The following HSPA12A variants were observed in gnomAD, a reference collection of about 807,000 sequenced individuals.
HSPA12A encodes heat shock protein family A (Hsp70) member 12A, also known as heat shock 70 kDa protein 12A.
A neutral mutation model predicts 69.2 loss-of-function variants in HSPA12A; 28 were observed. The observed-to-expected ratio is 0.40, with a 90% CI of 0.30 to 0.55. HSPA12A has a LOEUF of 0.55. HSPA12A is among the 20% of genes least tolerant of loss of function. HSPA12A has a pLI of 0.38. For missense variants in HSPA12A, 686 were observed against 900.7 expected (o/e 0.76, Z 3.05); for synonymous variants, 345 against 370.5 (o/e 0.93, Z 0.79).
intron 2 of HSPA12A, among the ~76,000 whole-genome samples, chr10:116,769,746 G>T (rs1055031089): frequency 6.6e-6 from 1 of 152,228 alleles, no homozygotes; most frequent in Non-Finnish European, 1.5e-5. Context: ...TCCTGGAGAT[G>T]CACGAAGCAG....
At chr10:116,677,833 G>A (rs1849283245) in intron 10 of HSPA12A, among the ~76,000 whole-genome samples, 1 of 152,132 alleles carries the variant, frequency 6.6e-6, no homozygotes, top group Non-Finnish European at 1.5e-5. Flanking sequence ...GGCCGAGATG[G>A]GACAGTGTGG....
At chr10:116,776,206 A>G (rs2133126915) in intron 2 of HSPA12A, among the ~76,000 whole-genome samples, 1 of 152,346 alleles carries the variant, frequency 6.6e-6, no homozygotes, top group Admixed American at 6.5e-5. Context: ...TGTGGGACAC[A>G]GGCAGGTGTC....
rs782004882 is a variant in HSPA12A, at chr10:116,674,847, T to A, written c.1962A>T (p.Lys654Asn). The change falls in exon 12 of 12, where the codon AAA becomes AAT. Residue 654 changes from lysine to asparagine, a missense_variant. Physicochemically the swap from Lys to Asn is moderately conservative, Grantham distance 94 (BLOSUM62 0). Coordinates refer to ENST00000369209, the MANE Select transcript of HSPA12A (RefSeq NM_025015.3). ...AAGTGGCTATATCAATGGCTGTGGC[T>A]TTGATCTCGGTGTCCCCGAACTGCA... ...TLMQFGDTEIKATAIDIATSK... is the reference protein window; with the variant it reads ...TLMQFGDTEINATAIDIATSK... 3.1e-6 allele frequency: 5 copies of A among 1,613,578 alleles called. No homozygotes were observed. The highest frequency in any genetic ancestry group is 4.2e-6 in the Non-Finnish European group (5 of 1,180,022).
intron 2 of HSPA12A, chr10:116,751,038 GAGA>G (rs1851766953): frequency 6.5e-6 from 1 of 154,226 alleles, no homozygotes; most frequent in Admixed American, 6.6e-5. Flanking sequence ...GAAGAAGGAG[GAGA>G]AGAAAAATGA....
chr10:116,797,687 A>G (rs1844859868), intron 2 of HSPA12A, among the ~76,000 whole-genome samples: 1 of 152,230 alleles, frequency 6.6e-6, no homozygotes, highest in Admixed American at 6.5e-5. Flanking sequence ...TTTCCAGGGA[A>G]AAGCCCTCAA....
chr10:116,731,065 G>A (rs1223152088), intron 1 of HSPA12A, among the ~76,000 whole-genome samples: 3 of 152,232 alleles, frequency 2.0e-5, no homozygotes, highest in Admixed American at 6.5e-5. Flanking sequence ...GGGCCCTTGT[G>A]GACTCAGTCA....
At chr10:116,736,459 C>T (rs1293174997) in intron 1 of HSPA12A, among the ~76,000 whole-genome samples, 3 of 152,132 alleles carry the variant, frequency 2.0e-5, no homozygotes, top group African/African-American at 4.8e-5. Context: ...CCCCTGGTAC[C>T]GATGACTATG....
chr10:116,742,193 G>A (rs1462460289), intron 1 of HSPA12A, among the ~76,000 whole-genome samples: 3 of 152,058 alleles, frequency 2.0e-5, no homozygotes, highest in South Asian at 2.1e-4. Context: ...TCCCCGCCGC[G>A]GAGTCCGCAC....
intron 2 of HSPA12A, among the ~76,000 whole-genome samples, chr10:116,755,816 A>T (rs2133093908): frequency 6.6e-6 from 1 of 151,352 alleles, no homozygotes; most frequent in Admixed American, 6.6e-5. Flanking sequence ...AAAAAAAAAA[A>T]AAAAAATACA....
intron 1 of HSPA12A, among the ~76,000 whole-genome samples, chr10:116,735,729 G>A (rs1851295287): frequency 6.6e-6 from 1 of 152,058 alleles, no homozygotes; most frequent in Non-Finnish European, 1.5e-5. Flanking sequence ...AGGCACGGTG[G>A]CTCATGCCTG....
At chr10:116,763,286 G>A (rs1844010761) in intron 2 of HSPA12A, among the ~76,000 whole-genome samples, 1 of 152,116 alleles carries the variant, frequency 6.6e-6, no homozygotes, top group Non-Finnish European at 1.5e-5. Flanking sequence ...GTACATATGG[G>A]CTAGGAGAAG....
intron 1 of HSPA12A, among the ~76,000 whole-genome samples, chr10:116,727,108 G>T (rs782126145): frequency 2.1e-4 from 32 of 152,128 alleles, no homozygotes; most frequent in Non-Finnish European, 3.7e-4. Flanking sequence ...ATTCATAAAA[G>T]AAAGAAAAAT....
chr10:116,698,861 G>A, intron 4 of HSPA12A, 122 bp from the exon 5 acceptor site: 1 of 723,120 alleles, frequency 1.4e-6, no homozygotes, highest in African/African-American at 1.7e-5. Context: ...GTTCCCCCAT[G>A]CTTAAAGAGG....
chr10:116,725,980 T>G (rs562150715), intron 1 of HSPA12A, among the ~76,000 whole-genome samples: 15 of 151,748 alleles, frequency 9.9e-5, no homozygotes, highest in Admixed American at 2.6e-4. Context: ...TCAAGTTTTC[T>G]ATCTGAATAT....
At chr10:116,681,721 A>T in intron 8 of HSPA12A, 70 bp downstream of exon 8, 1 of 1,410,158 alleles carries the variant, frequency 7.1e-7, no homozygotes, top group South Asian at 1.2e-5. Context: ...CAAAAGGGAC[A>T]AATGGGAATG....
rs78014479 is a variant in HSPA12A at position 116,768,341 on chromosome 10, G to A, written c.92-61056C>T. 6.6e-3 allele frequency among the ~76,000 whole-genome samples: 1,002 copies of A among 152,320 alleles called. 13 individuals are homozygous for A. Among genetic ancestry groups the A allele is most frequent in the African/African-American group, 0.023 (948 of 41,576 alleles). ...GAAAGCAGATTAGTGCTTGCCAGGG[G>A]CTGTGGGGAGGGGGAATAGGAGCAA... On this transcript the variant is annotated intron_variant, in intron 2 of 12. Coordinates refer to the HSPA12A transcript ENST00000635765.
chr10:116,748,629 A>G (rs1156536443), intron 2 of HSPA12A, among the ~76,000 whole-genome samples: 1 of 152,162 alleles, frequency 6.6e-6, no homozygotes, highest in Non-Finnish European at 1.5e-5. Flanking sequence ...ATGGCTGGGG[A>G]GGCTTCACAA....
chr10:116,790,205 G>A (rs1302957723), intron 2 of HSPA12A, among the ~76,000 whole-genome samples: 8 of 141,788 alleles, frequency 5.6e-5, no homozygotes, highest in Admixed American at 3.1e-4. Flanking sequence ...GGGGGTTCAC[G>A]CCATTCTCCT....
upstream of HSPA12A, among the ~76,000 whole-genome samples, chr10:116,743,020 A>G (rs535533932): frequency 3.3e-5 from 5 of 152,088 alleles, no homozygotes; most frequent in Admixed American, 1.3e-4. Flanking sequence ...GTCCCAGGGG[A>G]GCGGCCCTGG....
Sources: allele counts gnomAD v4.1 joint callset (sites outside exome capture counted in the v4.1 genomes callset), GRCh38; gene constraint gnomAD v4.1.1; transcripts MANE v1.5; gene names NCBI Gene and HGNC (gene_info 2026-07-23, HGNC 2026-07-21).